Variants in TRPM3 observed in about 807,000 individuals in gnomAD.
TRPM3 encodes the protein long transient receptor potential channel 3.
In TRPM3, 77 loss-of-function variants were observed where a neutral mutation model predicts 181.2. The observed-to-expected ratio is 0.42, with a 90% CI of 0.35 to 0.51. The LOEUF (loss-of-function observed/expected upper bound fraction) is 0.51, where lower values mean the gene tolerates loss of function less well. Among genes scored for constraint, TRPM3 ranks in the 20% least tolerant of loss-of-function variants. TRPM3 has a pLI of 0.01. For missense variants in TRPM3, 1,759 were observed against 2,196.7 expected (o/e 0.80, Z 3.98); for synonymous variants, 745 against 796.4 (o/e 0.94, Z 1.09).
At chr9:71,342,187 T>C (rs779730320) in intron 1 of TRPM3, among the ~76,000 whole-genome samples, 3 of 146,962 alleles carry the variant, frequency 2.0e-5, no homozygotes, top group East Asian at 4.0e-4. Flanking sequence ...TCCATAAAGT[T>C]TGGCACATTT....
In TRPM3 at chr9:70,531,573, A is replaced by C. The variant is rs2040875853; in HGVS notation, c.*4380T>G. The stretch of plus-strand genomic sequence containing the variant: ...TTCAAGGATAGTGAGTTATAATGCA[A>C]TATCTAGGCCAAATATATAACCACC... On this transcript the variant is annotated 3_prime_UTR_variant, in exon 26 of 26. Coordinates refer to ENST00000677713, the MANE Select transcript of TRPM3 (RefSeq NM_001366145.2). The C allele has an allele frequency of 6.6e-6, 1 of 152,228 alleles. No individual in the cohort carries two copies. Among genetic ancestry groups the C allele is most frequent in the Admixed American group, 6.5e-5 (1 of 15,278 alleles). 9.4% of individuals were successfully genotyped at this position (152,228 alleles called of 1,614,324 possible).
intron 1 of TRPM3, among the ~76,000 whole-genome samples, chr9:71,182,625 G>T (rs1401003816): frequency 6.6e-6 from 1 of 151,948 alleles, no homozygotes; most frequent in Non-Finnish European, 1.5e-5. Context: ...ACATAAAATA[G>T]TATAATGGCT....
At chr9:70,934,327 T>C (rs940499658) in intron 1 of TRPM3, among the ~76,000 whole-genome samples, 2 of 152,130 alleles carry the variant, frequency 1.3e-5, no homozygotes, top group African/African-American at 4.8e-5. Context: ...TTCTGTGATA[T>C]GGGAAGGTCA....
At chr9:71,128,460 C>T (rs969132711) in intron 1 of TRPM3, among the ~76,000 whole-genome samples, 5 of 152,056 alleles carry the variant, frequency 3.3e-5, no homozygotes, top group Admixed American at 6.6e-5. Context: ...AATGAGTTCC[C>T]GGAGGCTTGT....
intron 1 of TRPM3, among the ~76,000 whole-genome samples, chr9:71,366,755 T>A (rs1466520583): frequency 6.6e-6 from 1 of 152,154 alleles, no homozygotes; most frequent in Non-Finnish European, 1.5e-5. Context: ...ATTCAGTAAT[T>A]TCAATGCAGA....
At chr9:71,111,336 C>A (rs536666001) in intron 1 of TRPM3, among the ~76,000 whole-genome samples, 52 of 152,288 alleles carry the variant, frequency 3.4e-4, no homozygotes, top group African/African-American at 1.3e-3. Context: ...AAATCAATTA[C>A]GTACCCACCC....
chr9:71,075,824 C>A (rs991995867), intron 1 of TRPM3, among the ~76,000 whole-genome samples: 1 of 152,180 alleles, frequency 6.6e-6, no homozygotes, highest in Non-Finnish European at 1.5e-5. Flanking sequence ...ATACTGTACA[C>A]TATTCTTAAT....
chr9:71,281,983 C>T (rs572980941), intron 1 of TRPM3, among the ~76,000 whole-genome samples: 46 of 152,102 alleles, frequency 3.0e-4, no homozygotes, highest in African/African-American at 1.0e-3. Flanking sequence ...ATCACTTGAA[C>T]CTGGGAGGCA....
At chr9:70,543,819 G>T (rs1419583209) in intron 25 of TRPM3, among the ~76,000 whole-genome samples, 1 of 152,212 alleles carries the variant, frequency 6.6e-6, no homozygotes, top group Non-Finnish European at 1.5e-5. Flanking sequence ...AAGCCTGGTA[G>T]GTGGGGTGAT....
chr9:70,836,218 A>G (rs1305561316), intron 5 of TRPM3, among the ~76,000 whole-genome samples: 2 of 152,058 alleles, frequency 1.3e-5, no homozygotes, highest in East Asian at 3.9e-4. Flanking sequence ...TCTGGGCCCC[A>G]TCACCTCATG....
At chr9:71,320,465 A>T (rs2089112937) in intron 1 of TRPM3, among the ~76,000 whole-genome samples, 1 of 152,196 alleles carries the variant, frequency 6.6e-6, no homozygotes. Context: ...GGTCAGAGAC[A>T]AGAGAAGGGA....
At chr9:71,252,083 G>T (rs1040034748) in intron 1 of TRPM3, among the ~76,000 whole-genome samples, 4 of 152,068 alleles carry the variant, frequency 2.6e-5, no homozygotes, top group African/African-American at 9.7e-5. Flanking sequence ...ATTCATTCAT[G>T]TGTTGATGGA....
intron 1 of TRPM3, among the ~76,000 whole-genome samples, chr9:71,388,237 C>A (rs559592919): frequency 6.6e-6 from 1 of 152,114 alleles, no homozygotes. Context: ...CAGAAACATA[C>A]ATAGACACAC....
intron 1 of TRPM3, among the ~76,000 whole-genome samples, chr9:70,886,823 C>G: frequency 6.6e-6 from 1 of 152,090 alleles, no homozygotes; most frequent in East Asian, 1.9e-4. Context: ...CACCACCATA[C>G]CTGGCTAATT....
intron 1 of TRPM3, among the ~76,000 whole-genome samples, chr9:71,360,787 G>C (rs1431179): frequency 1.3e-5 from 2 of 152,260 alleles, no homozygotes; most frequent in East Asian, 3.9e-4. Flanking sequence ...ACAGCACTAT[G>C]TCATCAAGTA....
At chr9:71,182,057 T>C (rs191316724) in intron 1 of TRPM3, among the ~76,000 whole-genome samples, 500 of 152,260 alleles carry the variant, frequency 3.3e-3, no homozygotes, top group Non-Finnish European at 5.9e-3. Flanking sequence ...CCATACTCTC[T>C]TTTGCACATA....
intron 1 of TRPM3, among the ~76,000 whole-genome samples, chr9:71,398,940 A>T (rs772060558): frequency 6.6e-6 from 1 of 152,210 alleles, no homozygotes; most frequent in Non-Finnish European, 1.5e-5. Flanking sequence ...ATTCTTTTTC[A>T]TCTATTAAAG....
At chr9:71,084,881 C>T (rs932659105) in intron 1 of TRPM3, among the ~76,000 whole-genome samples, 3 of 152,000 alleles carry the variant, frequency 2.0e-5, no homozygotes, top group Admixed American at 6.6e-5. Context: ...TCAAACTATG[C>T]TGCAAGTCTA....
intron 1 of TRPM3, among the ~76,000 whole-genome samples, chr9:71,052,448 C>T (rs1394479667): frequency 6.6e-6 from 1 of 152,038 alleles, no homozygotes; most frequent in African/African-American, 2.4e-5. Flanking sequence ...AGGCCTTGAC[C>T]CAAGTCAGCA....
Sources: allele counts gnomAD v4.1 joint callset (sites outside exome capture counted in the v4.1 genomes callset), GRCh38; gene constraint gnomAD v4.1.1; transcripts MANE v1.5; gene names NCBI Gene and HGNC (gene_info 2026-07-23, HGNC 2026-07-21).